ELK3: variants seen among roughly 807,000 people sequenced by gnomAD.
ELK3 encodes ETS domain-containing protein Elk-3.
Under a neutral mutation model 28.9 loss-of-function variants are expected in ELK3, and 10 were observed. The ratio of observed to expected loss-of-function variants is 0.35; its 90% CI spans 0.21 to 0.59. The LOEUF (loss-of-function observed/expected upper bound fraction) is 0.59. Ranked by LOEUF, ELK3 falls within the 20% of genes least tolerant of loss-of-function variation. ELK3 has a pLI of 0.82. For missense variants in ELK3, 463 were observed against 517.3 expected (o/e 0.90, Z 1.02); for synonymous variants, 272 against 243.5 (o/e 1.12, Z -1.09).
chr12:96,205,140 AC>A (rs1951531789), intron 1 of ELK3, among the ~76,000 whole-genome samples: 1 of 152,246 alleles, frequency 6.6e-6, no homozygotes, highest in African/African-American at 2.4e-5. Flanking sequence ...ATGTTTACTA[AC>A]CGTCTCCACC....
intron 1 of ELK3, among the ~76,000 whole-genome samples, chr12:96,201,537 C>T (rs754938713): frequency 1.8e-4 from 26 of 142,986 alleles, no homozygotes; most frequent in Non-Finnish European, 3.0e-4. Flanking sequence ...ACCATGATTG[C>T]GCCACTACAC....
At chr12:96,238,063 C>T (rs903467362) in intron 2 of ELK3, among the ~76,000 whole-genome samples, 4 of 152,132 alleles carry the variant, frequency 2.6e-5, no homozygotes, top group Non-Finnish European at 4.4e-5. Flanking sequence ...GGTATCAAAG[C>T]GTTGTGAGGC....
At chr12:96,227,208 G>A (rs75487024) in intron 2 of ELK3, among the ~76,000 whole-genome samples, 93 of 151,830 alleles carry the variant, frequency 6.1e-4, no homozygotes, top group African/African-American at 1.9e-3. Flanking sequence ...CGTACAGCTC[G>A]GCCTGACCGT....
chr12:96,242,225 C>G (rs1245861041), intron 2 of ELK3, among the ~76,000 whole-genome samples: 1 of 152,220 alleles, frequency 6.6e-6, no homozygotes, highest in African/African-American at 2.4e-5. Flanking sequence ...CTAAGTTGGC[C>G]TGAATCTTGT....
intron 2 of ELK3, among the ~76,000 whole-genome samples, chr12:96,224,462 AGTACTTAGAACACT>A (rs1951686157): frequency 6.6e-6 from 1 of 152,214 alleles, no homozygotes; most frequent in South Asian, 2.1e-4. Context: ...ATTACATATA[AGTACTTAGAACACT>A]GCTTGGTATG....
intron 1 of ELK3, among the ~76,000 whole-genome samples, chr12:96,194,920 C>T (rs1951451748): frequency 6.8e-6 from 1 of 147,596 alleles, no homozygotes; most frequent in Admixed American, 6.7e-5. Flanking sequence ...GCGTCGCTGC[C>T]ACCGCCGTCG....
chr12:96,214,439 A>G (rs1434221608), intron 1 of ELK3, among the ~76,000 whole-genome samples: 1 of 151,732 alleles, frequency 6.6e-6, no homozygotes, highest in Non-Finnish European at 1.5e-5. Context: ...TCAAAAAACA[A>G]AACAAAACAA....
intron 1 of ELK3, among the ~76,000 whole-genome samples, chr12:96,206,365 G>A (rs1047658117): frequency 2.0e-5 from 3 of 150,868 alleles, no homozygotes; most frequent in Admixed American, 1.3e-4. Context: ...TGTCCAGGCT[G>A]GAGCGCAGTG....
At chr12:96,218,437 C>T (rs55948646) in intron 1 of ELK3, among the ~76,000 whole-genome samples, 1,538 of 151,954 alleles carry the variant, frequency 0.01, 32 homozygotes, top group African/African-American at 0.034. Context: ...CTGATAAGGA[C>T]GGGAATAATA....
chr12:96,225,339 GGTT>G (rs1320318536), intron 2 of ELK3, among the ~76,000 whole-genome samples: 1 of 152,224 alleles, frequency 6.6e-6, no homozygotes, highest in Admixed American at 6.5e-5. Flanking sequence ...GGGGCTTAAG[GGTT>G]GTGTCTCTTT....
intron 1 of ELK3, among the ~76,000 whole-genome samples, chr12:96,208,351 C>G (rs186717753): frequency 6.6e-6 from 1 of 152,338 alleles, no homozygotes; most frequent in East Asian, 1.9e-4. Flanking sequence ...TGCACCCAGC[C>G]AGAGGGCAGG....
At chr12:96,234,546 C>T (rs1951767090) in intron 2 of ELK3, among the ~76,000 whole-genome samples, 1 of 152,210 alleles carries the variant, frequency 6.6e-6, no homozygotes, top group African/African-American at 2.4e-5. Context: ...TCCCCCACCC[C>T]TGCCTGTGCT....
intron 1 of ELK3, among the ~76,000 whole-genome samples, chr12:96,218,951 A>G (rs986384980): frequency 1.3e-5 from 2 of 152,112 alleles, no homozygotes; most frequent in African/African-American, 4.8e-5. Context: ...CCCGGCCAAG[A>G]TAAGCATTTT....
chr12:96,249,690 C>T (rs1951888775), intron 3 of ELK3, among the ~76,000 whole-genome samples: 1 of 14,200 alleles, frequency 7.0e-5, no homozygotes. Flanking sequence ...GCCTGGATCA[C>T]CTTCTCAGAA....
intron 1 of ELK3, among the ~76,000 whole-genome samples, chr12:96,217,509 C>T (rs1468556405): frequency 6.6e-6 from 1 of 152,180 alleles, no homozygotes; most frequent in Non-Finnish European, 1.5e-5. Flanking sequence ...TATTCAGATG[C>T]TTTTTTGAAC....
At chr12:96,227,728 G>A (rs1047854420) in intron 2 of ELK3, among the ~76,000 whole-genome samples, 3 of 152,194 alleles carry the variant, frequency 2.0e-5, no homozygotes, top group Admixed American at 1.3e-4. Flanking sequence ...TTATAATAAC[G>A]AGGTAGTTAC....
At chr12:96,204,635 C>G (rs1193285519) in intron 1 of ELK3, among the ~76,000 whole-genome samples, 1 of 152,144 alleles carries the variant, frequency 6.6e-6, no homozygotes, top group Admixed American at 6.5e-5. Flanking sequence ...CGAAATTATT[C>G]TAGGGTAGCT....
chr12:96,232,725 A>G (rs1189612416), intron 2 of ELK3, among the ~76,000 whole-genome samples: 2 of 150,372 alleles, frequency 1.3e-5, no homozygotes, highest in East Asian at 3.9e-4. Flanking sequence ...AGCCTGGGCA[A>G]TATAGTGAGG....
intron 2 of ELK3, among the ~76,000 whole-genome samples, chr12:96,231,529 G>C (rs148477790): frequency 1.8e-3 from 275 of 152,292 alleles, no homozygotes; most frequent in Non-Finnish European, 2.5e-3. Flanking sequence ...TTTCACTCCT[G>C]TTGGCCAGAC....
Sources: allele counts gnomAD v4.1 joint callset (sites outside exome capture counted in the v4.1 genomes callset), GRCh38; gene constraint gnomAD v4.1.1; transcripts MANE v1.5; gene names NCBI Gene and HGNC (gene_info 2026-07-23, HGNC 2026-07-21).